DOCK3: variants seen among roughly 807,000 people sequenced by gnomAD.
The protein encoded by DOCK3 is dedicator of cytokinesis 3.
Under a neutral mutation model 265.6 loss-of-function variants are expected in DOCK3, and 60 were observed. That is an observed-to-expected ratio of 0.23 (90% CI 0.18 to 0.28). The LOEUF is 0.28. DOCK3 is among the 10% of genes least tolerant of loss of function. The pLI, the probability that DOCK3 is intolerant of heterozygous loss-of-function variation, is 1.00. For synonymous variants in DOCK3, 881 were observed against 938.0 expected (o/e 0.94, Z 1.11); for missense variants, 1,981 against 2,594.3 (o/e 0.76, Z 5.14).
At chr3:51,289,943 A>T (rs2081638037) in intron 27 of DOCK3, among the ~76,000 whole-genome samples, 2 of 152,364 alleles carry the variant, frequency 1.3e-5, no homozygotes, top group South Asian at 4.1e-4. Flanking sequence ...AATGCTCATC[A>T]TCACTGGCCA....
chr3:51,322,191 T>C (rs2083776163), intron 32 of DOCK3, among the ~76,000 whole-genome samples: 1 of 151,944 alleles, frequency 6.6e-6, no homozygotes, highest in Non-Finnish European at 1.5e-5. Flanking sequence ...TCAACATTCT[T>C]TTGTTTTTGT....
At chr3:50,684,021 G>T (rs1231588794) in intron 1 of DOCK3, among the ~76,000 whole-genome samples, 1 of 151,944 alleles carries the variant, frequency 6.6e-6, no homozygotes, top group Non-Finnish European at 1.5e-5. Flanking sequence ...TTCCAGACAG[G>T]ACTATAATGT....
intron 2 of DOCK3, among the ~76,000 whole-genome samples, chr3:50,820,853 A>G (rs893908420): frequency 1.4e-5 from 2 of 139,906 alleles, no homozygotes; most frequent in Non-Finnish European, 3.1e-5. Flanking sequence ...TAAGCTTTTA[A>G]TAATAGCCAT....
intron 1 of DOCK3, among the ~76,000 whole-genome samples, chr3:50,775,226 C>G (rs1282176827): frequency 6.6e-6 from 1 of 151,942 alleles, no homozygotes; most frequent in African/African-American, 2.4e-5. Flanking sequence ...TCGACAGATT[C>G]ACTGATAAAG....
rs1472173345 is a variant in DOCK3, at chr3:51,183,033, T to G, written c.1037+22331T>G. Among the ~76,000 whole-genome samples the G allele has an allele frequency of 3.3e-5, 5 of 152,336 alleles. No individual in the cohort carries two copies. The East Asian group carries it at 9.6e-4, about 29-fold the overall frequency. On this transcript the variant is annotated intron_variant, in intron 12 of 52. Transcript: ENST00000266037. ...GTTTCCTCATTGACATCTGGCTAAC[T>G]TAAGTCTGCCAGGTTCATAAGGCAT... is the stretch of plus-strand genomic sequence containing the variant.
chr3:50,787,601 G>A, intron 2 of DOCK3: 2 of 1,154,150 alleles, frequency 1.7e-6, no homozygotes, highest in Non-Finnish European at 2.5e-6. Context: ...GGTGCTTCAG[G>A]CTCCTTTGTT....
intron 4 of DOCK3, among the ~76,000 whole-genome samples, chr3:50,927,524 C>T (rs1219515162): frequency 6.6e-6 from 1 of 152,108 alleles, no homozygotes; most frequent in African/African-American, 2.4e-5. Flanking sequence ...CAGAATATTA[C>T]GTGTACCCCA....
intron 5 of DOCK3, among the ~76,000 whole-genome samples, chr3:51,032,939 C>G (rs993817853): frequency 2.6e-5 from 4 of 152,118 alleles, no homozygotes; most frequent in African/African-American, 7.2e-5. Context: ...ATAAACTTTA[C>G]TTCTCAAAAT....
intron 27 of DOCK3, 49 bp from the exon 28 acceptor site, chr3:51,310,183 A>G (rs1428717816): frequency 6.9e-7 from 1 of 1,454,444 alleles, no homozygotes; most frequent in Admixed American, 2.0e-5. Flanking sequence ...TATTGAGGAG[A>G]TGCATATTGT....
Position 51,381,731 on chromosome 3 carries a change from C to A in DOCK3, c.*172C>A. 1.2e-6 allele frequency: 1 copy of A among 808,514 alleles called. No individual in the cohort carries two copies. The highest frequency in any genetic ancestry group is 1.8e-6 in the Non-Finnish European group (1 of 548,984). 50.1% of individuals were successfully genotyped at this position (808,514 alleles called of 1,614,324 possible). A position where few individuals can be genotyped will look rare whatever the true frequency, so the allele number is the denominator to read the frequency against. On this transcript the variant is annotated 3_prime_UTR_variant, in exon 53 of 53. Transcript: ENST00000266037. The surrounding 1 kb of genome is among the most constrained non-coding windows in gnomAD (Gnocchi z 5.6). ...CCGTGAACTCATGTGTTGCCATGTA[C>A]AGAGGCCACAGCAGCATGAAGGGTT... is the stretch of plus-strand genomic sequence containing the variant.
chr3:50,930,747 G>A (rs2051020370), intron 4 of DOCK3, among the ~76,000 whole-genome samples: 1 of 152,228 alleles, frequency 6.6e-6, no homozygotes, highest in South Asian at 2.1e-4. Flanking sequence ...CCCTTATGGG[G>A]CAGACCCTGG....
At chr3:50,804,217 G>A (rs1234083008) in intron 2 of DOCK3, among the ~76,000 whole-genome samples, 1 of 151,744 alleles carries the variant, frequency 6.6e-6, no homozygotes, top group Non-Finnish European at 1.5e-5. Flanking sequence ...TTCCTAGATA[G>A]GATGGCGGCC....
At chr3:50,878,350 T>G (rs1050833821) in intron 3 of DOCK3, among the ~76,000 whole-genome samples, 3 of 152,164 alleles carry the variant, frequency 2.0e-5, no homozygotes, top group African/African-American at 7.2e-5. Context: ...GGAGGATATT[T>G]GAACCCATTG....
chr3:50,837,144 C>T (rs1271288073), intron 2 of DOCK3, among the ~76,000 whole-genome samples: 2 of 152,190 alleles, frequency 1.3e-5, no homozygotes, highest in Admixed American at 6.5e-5. Flanking sequence ...TCCACATTTT[C>T]CTGTCTTCTT....
intron 7 of DOCK3, among the ~76,000 whole-genome samples, chr3:51,087,465 A>G (rs2082468744): frequency 6.6e-6 from 1 of 152,178 alleles, no homozygotes; most frequent in Non-Finnish European, 1.5e-5. Flanking sequence ...TCAACAAGTT[A>G]GACATGGAAG....
chr3:51,186,917 AG>A (rs2107791392), intron 12 of DOCK3, among the ~76,000 whole-genome samples: 1 of 152,360 alleles, frequency 6.6e-6, no homozygotes, highest in South Asian at 2.1e-4. Flanking sequence ...CTTCAGGGGC[AG>A]GGCTCTCATG....
At chr3:51,244,233 A>G (rs9809209) in intron 21 of DOCK3, among the ~76,000 whole-genome samples, 87,879 of 151,246 alleles carry the variant, frequency 0.58, 26,122 homozygotes, top group Non-Finnish European at 0.63. Flanking sequence ...TTTTTCTGCA[A>G]AAAATGCCAT....
intron 12 of DOCK3, among the ~76,000 whole-genome samples, chr3:51,190,135 G>T (rs1054100340): frequency 1.3e-5 from 2 of 152,180 alleles, no homozygotes; most frequent in African/African-American, 4.8e-5. Flanking sequence ...GAGACTCAAG[G>T]CCTGCCATCT....
intron 18 of DOCK3, 77 bp downstream of exon 18, chr3:51,228,909 GGA>G: frequency 6.8e-7 from 1 of 1,475,508 alleles, no homozygotes; most frequent in Non-Finnish European, 9.1e-7. Context: ...GCATGTGAAG[GGA>G]GAGATAAATT....
Sources: allele counts gnomAD v4.1 joint callset (sites outside exome capture counted in the v4.1 genomes callset), GRCh38; gene constraint gnomAD v4.1.1; non-coding constraint Gnocchi (gnomAD v3.1); transcripts MANE v1.5; gene names NCBI Gene and HGNC (gene_info 2026-07-23, HGNC 2026-07-21).